Variants in NRXN3 observed in about 807,000 individuals in gnomAD.
The protein encoded by NRXN3 is neurexin 3.
In NRXN3, 32 loss-of-function variants were observed where a neutral mutation model predicts 137.6. That is an observed-to-expected ratio of 0.23 (90% CI 0.18 to 0.31). The LOEUF (loss-of-function observed/expected upper bound fraction) is 0.31. Among genes scored for constraint, NRXN3 ranks in the 10% least tolerant of loss-of-function variants. The pLI is 1.00. For synonymous variants in NRXN3, 798 were observed against 784.5 expected, an observed-to-expected ratio of 1.02 and a Z score of -0.29; for missense variants, 1,574 against 2,062.5, an observed-to-expected ratio of 0.76 and a Z score of 4.59.
At chr14:79,580,596 G>A (rs1344247396) in intron 16 of NRXN3, among the ~76,000 whole-genome samples, 1 of 152,096 alleles carries the variant, frequency 6.6e-6, no homozygotes, top group Non-Finnish European at 1.5e-5. Flanking sequence ...CTAATTAAAT[G>A]GAGGATTATT....
chr14:78,817,686 A>G (rs2098938112), intron 10 of NRXN3, among the ~76,000 whole-genome samples: 2 of 152,174 alleles, frequency 1.3e-5, no homozygotes, highest in South Asian at 4.1e-4. Context: ...AGCAAGAGAG[A>G]GAAACCAAAG....
chr14:79,713,302 G>C (rs1358547391), intron 19 of NRXN3, among the ~76,000 whole-genome samples: 2 of 147,038 alleles, frequency 1.4e-5, no homozygotes, highest in African/African-American at 5.0e-5. Flanking sequence ...TAAAGTTGTG[G>C]TTATTTGCCG....
At chr14:79,768,735 T>C (rs371470420) in intron 19 of NRXN3, among the ~76,000 whole-genome samples, 20 of 152,314 alleles carry the variant, frequency 1.3e-4, no homozygotes, top group Admixed American at 9.2e-4. Flanking sequence ...TCCAAAGGAA[T>C]GCAGTTCCTC....
Position 79,609,913 on chromosome 14 carries a change from A to G in NRXN3, c.3445-53865A>G, listed in dbSNP as rs151299528. Among the ~76,000 whole-genome samples, 113 of 152,136 alleles carry G rather than the reference A, an allele frequency of 7.4e-4. No homozygotes were observed. The East Asian group carries it at 0.022, about 29-fold the overall frequency. The stretch of plus-strand genomic sequence containing the variant: ...AGTTGAACAATGAGAAAACATGGAC[A>G]CAGAGAGGGGAACATCACACACTGG... On this transcript the variant is annotated intron_variant, in intron 16 of 20. Transcript: ENST00000335750.
chr14:79,278,013 T>G (rs2080572984), intron 15 of NRXN3, among the ~76,000 whole-genome samples: 1 of 152,202 alleles, frequency 6.6e-6, no homozygotes, highest in African/African-American at 2.4e-5. Flanking sequence ...AGAGACATAA[T>G]GCTGTTTCCT....
intron 16 of NRXN3, among the ~76,000 whole-genome samples, chr14:79,482,678 TG>T (rs1365514726): frequency 6.6e-6 from 1 of 151,090 alleles, no homozygotes; most frequent in Non-Finnish European, 1.5e-5. Context: ...ACCACTAACC[TG>T]GGGGGGAGAA....
chr14:78,171,864 G>A (rs1229694251), intron 1 of NRXN3, among the ~76,000 whole-genome samples: 3 of 151,996 alleles, frequency 2.0e-5, no homozygotes, highest in Non-Finnish European at 4.4e-5. Context: ...AGGTAAAGTA[G>A]GATTGCTCTT....
chr14:79,539,917 C>T (rs1408475547), intron 16 of NRXN3, among the ~76,000 whole-genome samples: 2 of 151,986 alleles, frequency 1.3e-5, no homozygotes, highest in East Asian at 1.9e-4. Context: ...TTTACCTCGT[C>T]GTCTTGCTAT....
intron 15 of NRXN3, among the ~76,000 whole-genome samples, chr14:79,184,149 T>C (rs1404818053): frequency 1.3e-5 from 2 of 152,164 alleles, no homozygotes; most frequent in Non-Finnish European, 2.9e-5. Flanking sequence ...AAAGAATTGA[T>C]TAGAAAGCTC....
chr14:78,797,900 A>G (rs1160806563), intron 8 of NRXN3, among the ~76,000 whole-genome samples: 1 of 152,170 alleles, frequency 6.6e-6, no homozygotes, highest in Non-Finnish European at 1.5e-5. Flanking sequence ...CTTATTCACT[A>G]TGATGAGTAG....
chr14:78,736,363 T>C lies in NRXN3; in HGVS notation c.2044+21224T>C, dbSNP rs76529790. Among the ~76,000 whole-genome samples, 2,498 of 152,266 alleles carry C rather than the reference T, an allele frequency of 0.016. 114 individuals carry two copies. The East Asian group carries it at 0.21, about 13-fold the overall frequency. On this transcript the variant is annotated intron_variant, in intron 8 of 20. Coordinates refer to ENST00000335750, the MANE Select transcript of NRXN3 (RefSeq NM_001330195.2). The stretch of plus-strand genomic sequence containing the variant: ...TAGCTACATCATCGAAGTGAAATTA[T>C]TTAAGTTTTCTGAGCCTTATATTTT...
chr14:79,634,927 T>C (rs1458671327), intron 16 of NRXN3, among the ~76,000 whole-genome samples: 2 of 152,218 alleles, frequency 1.3e-5, no homozygotes, highest in African/African-American at 4.8e-5. Context: ...TATTTGTCCG[T>C]CTGTGTTTGG....
intron 10 of NRXN3, among the ~76,000 whole-genome samples, chr14:78,877,263 T>C (rs949363703): frequency 2.6e-5 from 4 of 152,202 alleles, no homozygotes; most frequent in African/African-American, 9.6e-5. Context: ...GATGAAGGTA[T>C]ATAGCAAAAG....
At chr14:78,549,687 A>G in intron 4 of NRXN3, among the ~76,000 whole-genome samples, 1 of 152,184 alleles carries the variant, frequency 6.6e-6, no homozygotes, top group East Asian at 1.9e-4. Flanking sequence ...ATATCATTTC[A>G]TGATTTGCTA....
At position 78,243,615 on chromosome 14, in the gene NRXN3, G is replaced by A. The variant is rs1333619045; in HGVS notation, c.522G>A (p.Gly174=). 6.3e-7 allele frequency: 1 copy of A among 1,598,326 alleles called. No individual in the cohort carries two copies. Among genetic ancestry groups the A allele is most frequent in the Admixed American group, 1.7e-5 (1 of 60,002 alleles). ...DGVQAMPGFK[G]LILDLKYGNS... ...TTCAGGCCATGCCCGGCTTCAAGGG[G>A]TTAATTCTGGATCTCAAGTATGGAA... Residue 174 remains glycine, a synonymous_variant, in exon 2 of 21, where the codon GGG becomes GGA. Transcript: ENST00000335750. This position sits in a 1 kb window ranked among gnomAD's most constrained non-coding sequence, Gnocchi z 4.2.
chr14:78,226,113 C>T (rs900253237), intron 1 of NRXN3, among the ~76,000 whole-genome samples: 1 of 152,064 alleles, frequency 6.6e-6, no homozygotes, highest in African/African-American at 2.4e-5. Context: ...AAGCGATTCT[C>T]CTGCCTCAGC....
intron 8 of NRXN3, among the ~76,000 whole-genome samples, chr14:78,728,813 C>T (rs1034802813): frequency 2.0e-5 from 3 of 152,116 alleles, no homozygotes; most frequent in Non-Finnish European, 4.4e-5. Flanking sequence ...GCAGGAGAAT[C>T]GCATGAACCC....
intron 15 of NRXN3, among the ~76,000 whole-genome samples, chr14:79,099,394 A>G (rs1004827310): frequency 1.3e-5 from 2 of 152,172 alleles, no homozygotes; most frequent in Non-Finnish European, 2.9e-5. Flanking sequence ...ACAATTTATA[A>G]CTTAAAGCAA....
chr14:79,591,880 T>C (rs574138001), intron 16 of NRXN3, among the ~76,000 whole-genome samples: 1 of 152,306 alleles, frequency 6.6e-6, no homozygotes, highest in East Asian at 1.9e-4. Context: ...ATTTTAATGT[T>C]TGGATTGAGC....
Sources: allele counts gnomAD v4.1 joint callset (sites outside exome capture counted in the v4.1 genomes callset), GRCh38; gene constraint gnomAD v4.1.1; non-coding constraint Gnocchi (gnomAD v3.1); transcripts MANE v1.5; gene names NCBI Gene and HGNC (gene_info 2026-07-23, HGNC 2026-07-21).